COL6A3: variants seen among roughly 807,000 people sequenced by gnomAD.
COL6A3 encodes the protein collagen type VI alpha 3 chain, also known as collagen alpha-3(VI) chain.
A neutral mutation model predicts 274.1 loss-of-function variants in COL6A3; 137 were observed. The ratio of observed to expected loss-of-function variants is 0.50; its 90% confidence interval spans 0.44 to 0.58. The LOEUF (loss-of-function observed/expected upper bound fraction) is 0.58. Ranked by LOEUF, COL6A3 falls within the 20% of genes least tolerant of loss-of-function variation. The pLI is 0.00. For missense variants in COL6A3, 3,950 were observed against 4,124.9 expected, an observed-to-expected ratio of 0.96 and a Z score of 1.16; for synonymous variants, 1,650 against 1,650.6, an observed-to-expected ratio of 1.00 and a Z score of 0.01.
At position 237,371,175 on chromosome 2, in the gene COL6A3, C is replaced by T. The variant is rs1032085593; in HGVS notation, c.4285+557G>A. Among the ~76,000 whole-genome samples the T allele has an allele frequency of 6.6e-6, 1 of 152,200 alleles. No homozygotes were observed. Among genetic ancestry groups the T allele is most frequent in the African/African-American group, 2.4e-5 (1 of 41,456 alleles). On this transcript the variant is annotated intron_variant, in intron 9 of 43. Coordinates refer to ENST00000295550, the MANE Select transcript of COL6A3 (RefSeq NM_004369.4). This position sits in a 1 kb window ranked among gnomAD's most constrained non-coding sequence, Gnocchi z 4.3. ...CTAGCTCAAGTCCCCCCAGTCCTTC[C>T]GGCCACCCTCCTATGGAGATGCCCT...
At chr2:237,352,186 G>T (rs3828135) in intron 26 of COL6A3, among the ~76,000 whole-genome samples, 86,884 of 152,038 alleles carry the variant, frequency 0.57, 25,028 homozygotes, top group East Asian at 0.66. Flanking sequence ...GGACCAAAGG[G>T]GAAACACCTT....
intron 23 of COL6A3, 44 bp downstream of exon 23, chr2:237,357,294 C>A (rs1368311667): frequency 6.4e-7 from 1 of 1,570,138 alleles, no homozygotes; most frequent in Non-Finnish European, 8.8e-7. Context: ...TCTTATGGCA[C>A]TAAGAATTGT....
rs1466520523 is a variant in COL6A3 at position 237,394,863 on chromosome 2, C to A, written c.433G>T (p.Val145Phe). The A allele has an allele frequency of 1.9e-6, 3 of 1,612,478 alleles. No homozygotes were observed. Among genetic ancestry groups the A allele is most frequent in the East Asian group, 4.5e-5 (2 of 44,872 alleles). Reference sequence around the variant, plus strand: ...TGTCCATCAGTTAACACTACGATAACCTGAGGGACTCCGTCACCGGCCCGG... The same window carrying A: ...TGTCCATCAGTTAACACTACGATAAACTGAGGGACTCCGTCACCGGCCCGG... The part of the protein sequence containing the change: ...GSRAGDGVPQ[V>F]IVVLTDGHSK... Residue 145 changes from valine (V) to phenylalanine (F), a missense_variant, in exon 3 of 44, where the codon GTT becomes TTT. Physicochemically the swap from Val to Phe is conservative, Grantham distance 50 (BLOSUM62 -1). Transcript: ENST00000295550.
chr2:237,394,757 G>T lies in COL6A3; in HGVS notation c.539C>A (p.Ala180Glu). 1.2e-6 allele frequency: 2 copies of T among 1,614,174 alleles called. No homozygotes were observed. Among genetic ancestry groups the T allele is most frequent in the Non-Finnish European group, 1.7e-6 (2 of 1,180,030 alleles). The change falls in exon 3 of 44, where the codon GCA (alanine) becomes GAA (glutamate). Residue 180 changes from alanine to glutamate, a missense_variant. By Grantham distance (107) the Ala-to-Glu change is moderately radical (BLOSUM62 -1). Transcript: ENST00000295550. ...TATTTCTTTTAACGCTCCTTCATCT[G>T]CATCCTCAACTCCAATTGCAAACAC... ...VNVFAIGVED[A>E]DEGALKEIAS...
rs920514367 is a variant in COL6A3 at position 237,325,716 on chromosome 2, T to G, written c.9337A>C (p.Lys3113Gln). 1.5e-5 allele frequency: 25 copies of G among 1,613,608 alleles called. No individual in the cohort carries two copies. The highest frequency in any genetic ancestry group is 2.1e-5 in the Non-Finnish European group (25 of 1,179,806). The change falls in exon 43 of 44, where the codon AAG becomes CAG. Residue 3113 changes from lysine to glutamine, a missense_variant. Physicochemically the swap from Lys to Gln is moderately conservative, Grantham distance 53. Around this residue, in one of 5 missense-constraint regions of COL6A3, gnomAD observed 1,284 missense variants for 1,349.7 expected, o/e 0.95. Transcript: ENST00000295550. ...PLALTETDICKLPKDEGTCRD... is the reference protein window; with the variant it reads ...PLALTETDICQLPKDEGTCRD... Reference sequence around the variant, plus strand: ...CAAGTTCCTTCGTCTTTCGGCAACTTGCATATATCTTTAATAAAAACATGA... The same window carrying G: ...CAAGTTCCTTCGTCTTTCGGCAACTGGCATATATCTTTAATAAAAACATGA...
intron 16 of COL6A3, 126 bp downstream of exon 16, chr2:237,360,995 A>T: frequency 1.2e-6 from 1 of 815,238 alleles, no homozygotes; most frequent in Non-Finnish European, 2.1e-6. Flanking sequence ...AAAAGTATAA[A>T]TTAATTTTTC....
At chr2:237,345,329 T>G in intron 32 of COL6A3, 116 bp from the exon 33 acceptor site, 1 of 927,140 alleles carries the variant, frequency 1.1e-6, no homozygotes, top group Non-Finnish European at 1.8e-6. Flanking sequence ...ATAACCTTGA[T>G]TGTTTACAGC....
At chr2:237,404,553 A>G (rs4663257) in intron 1 of COL6A3, among the ~76,000 whole-genome samples, 8,419 of 152,250 alleles carry the variant, frequency 0.055, 575 homozygotes, top group African/African-American at 0.15. Context: ...AAAATAGGAC[A>G]TGATAAGATG....
rs201031137 is a variant in COL6A3 at position 237,379,098 on chromosome 2, C to A, written c.2035G>T (p.Gly679Cys). 2.0e-5 allele frequency: 32 copies of A among 1,614,204 alleles called. No individual in the cohort carries two copies. The highest frequency in any genetic ancestry group is 2.7e-5 in the Non-Finnish European group (32 of 1,180,036). ...GGAGTGTCACTAAATTGCACTAAAC[C>A]AACACGAATATTGTCATTTCCAATA... is the stretch of plus-strand genomic sequence containing the variant. ...LDIGNDNIRV[G>C]LVQFSDTPVT... Residue 679 changes from glycine (G) to cysteine (C), a missense_variant, in exon 6 of 44, where the codon GGT becomes TGT. By Grantham distance (159) the Gly-to-Cys change is radical. This residue lies in a region of COL6A3 where 1,934 missense variants were observed against 1,984.3 expected (regional missense o/e 0.97). Coordinates refer to ENST00000295550, the MANE Select transcript of COL6A3 (RefSeq NM_004369.4).
chr2:237,392,814 G>GCAC (rs951868712), intron 3 of COL6A3, among the ~76,000 whole-genome samples: 1 of 152,216 alleles, frequency 6.6e-6, no homozygotes, highest in Non-Finnish European at 1.5e-5. Context: ...ACCTTTGTGA[G>GCAC]CACCACCCTC....
intron 24 of COL6A3, 76 bp downstream of exon 24, chr2:237,354,823 G>C: frequency 1.6e-6 from 2 of 1,253,208 alleles, no homozygotes; most frequent in Non-Finnish European, 2.3e-6. Flanking sequence ...ACAGGAGAGA[G>C]TGTTTTTCAC....
At position 237,344,966 on chromosome 2, in the gene COL6A3, A is replaced by C; in HGVS notation, c.7163-14T>G. 1 of 1,614,242 alleles carries C rather than the reference A, an allele frequency of 6.2e-7. No individual in the cohort carries two copies. The highest frequency in any genetic ancestry group is 2.2e-5 in the East Asian group (1 of 44,886). On this transcript the variant is annotated splice_polypyrimidine_tract_variant and intron_variant, in intron 34 of 43. Coordinates refer to ENST00000295550, the MANE Select transcript of COL6A3 (RefSeq NM_004369.4). This position sits in a 1 kb window ranked among gnomAD's most constrained non-coding sequence, Gnocchi z 4.8. ...CGTAACAGCAAGCTAGAAAAGAAGC[A>C]AAGAGAAGAAAGGGTGAGAGACTAC...
chr2:237,333,599 C>A, intron 41 of COL6A3, 51 bp from the exon 42 acceptor site: 1 of 1,487,150 alleles, frequency 6.7e-7, no homozygotes, highest in Non-Finnish European at 9.4e-7. Flanking sequence ...AACAGGAGGG[C>A]TTGGGAATCC....
chr2:237,334,890 C>T lies in COL6A3; in HGVS notation c.8966-1G>A. The stretch of plus-strand genomic sequence containing the variant: ...ACCTGGACTTCACGGGACATCTTAA[C>T]TGAAAGATAGATCAGAGCGTGAAGA... On this transcript the variant is annotated splice_acceptor_variant, in intron 40 of 43. Transcript: ENST00000295550. LOFTEE classifies it high-confidence loss of function. The T allele has an allele frequency of 1.9e-6, 3 of 1,614,116 alleles. No homozygotes were observed. Among genetic ancestry groups the T allele is most frequent in the Non-Finnish European group, 2.5e-6 (3 of 1,180,028 alleles).
intron 39 of COL6A3, among the ~76,000 whole-genome samples, chr2:237,337,202 G>A (rs1439727619): frequency 6.6e-6 from 1 of 152,038 alleles, no homozygotes; most frequent in Non-Finnish European, 1.5e-5. Flanking sequence ...CTTGCTACTT[G>A]TCCTAGGAAG....
chr2:237,341,015 T>C lies in COL6A3; in HGVS notation c.7901A>G (p.Gln2634Arg). The change falls in exon 38 of 44, where the codon CAG (glutamine) becomes CGG (arginine). Residue 2634 changes from glutamine (Q) to arginine (R), a missense_variant. Physicochemically the swap from Gln to Arg is conservative, Grantham distance 43. Transcript: ENST00000295550. ...TATGTACTTCTTCATCTCATTGAAC[T>C]GGAACAGGGTGGTGGTCTCAGCGCT... ...LDSAETTTLF[Q>R]FNEMKKYIAY... is the part of the protein sequence containing the mutation. 1.2e-6 allele frequency: 2 copies of C among 1,614,206 alleles called. No individual in the cohort carries two copies. Among genetic ancestry groups the C allele is most frequent in the Non-Finnish European group, 1.7e-6 (2 of 1,180,032 alleles).
chr2:237,409,403 G>A (rs142960532), intron 1 of COL6A3, among the ~76,000 whole-genome samples: 49 of 152,162 alleles, frequency 3.2e-4, no homozygotes, highest in East Asian at 1.5e-3. Context: ...CCATCAACTC[G>A]TCATTTAGCA....
intron 38 of COL6A3, 65 bp downstream of exon 38, chr2:237,340,387 C>T (rs2076959897): frequency 1.4e-6 from 2 of 1,475,480 alleles, no homozygotes; most frequent in Non-Finnish European, 1.9e-6. Context: ...ATGACTGTTC[C>T]TACACTTCTC....
rs181836701 is a variant in COL6A3, at chr2:237,364,872, C to T, written c.5839-444G>A. ...ATGTGTGTGGGTGCGTATGTGTGTGCATGTGTATGGGTGCATGTGCGTGCA... is the reference window on the plus strand; with the variant it reads ...ATGTGTGTGGGTGCGTATGTGTGTGTATGTGTATGGGTGCATGTGCGTGCA... On this transcript the variant is annotated intron_variant, in intron 12 of 43. Transcript: ENST00000295550. The surrounding 1 kb of genome is among the most constrained non-coding windows in gnomAD (Gnocchi z 4.6). 1.4e-5 allele frequency among the ~76,000 whole-genome samples: 2 copies of T among 141,168 alleles called. No individual in the cohort carries two copies. The highest frequency in any genetic ancestry group is 4.2e-4 in the East Asian group (2 of 4,808). The allele number at this position is 141,168 out of a possible 152,430, so 92.6% of individuals were successfully genotyped here.
Sources: gnomAD v4.1 joint callset for allele counts (sites outside exome capture counted in the v4.1 genomes callset) on GRCh38, gnomAD v4.1.1 for gene constraint, gnomAD v4.1.1 regional missense constraint, Gnocchi (gnomAD v3.1) non-coding constraint, MANE v1.5 for transcripts, NCBI Gene and HGNC (gene_info 2026-07-23, HGNC 2026-07-21) for gene names.